Variants in IL16 observed in about 807,000 individuals in gnomAD.
IL16 encodes the protein pro-interleukin-16.
Under a neutral mutation model 110.1 loss-of-function variants are expected in IL16, and 67 were observed. The observed-to-expected ratio is 0.61, with a 90% CI of 0.50 to 0.75. The LOEUF (loss-of-function observed/expected upper bound fraction) is 0.75. Ranked by LOEUF, IL16 falls within the 30% of genes least tolerant of loss-of-function variation. The pLI is 0.00. For missense variants in IL16, 1,545 were observed against 1,655.0 expected (o/e 0.93, Z 1.15); for synonymous variants, 689 against 662.9 (o/e 1.04, Z -0.61).
intron 2 of IL16, among the ~76,000 whole-genome samples, chr15:81,245,118 A>T (rs1897491569): frequency 6.6e-6 from 1 of 152,122 alleles, no homozygotes; most frequent in African/African-American, 2.4e-5. Context: ...TCTTTGTCAA[A>T]TATTTCTATA....
chr15:81,261,855 A>T (rs574570483), intron 3 of IL16, among the ~76,000 whole-genome samples: 14 of 152,148 alleles, frequency 9.2e-5, no homozygotes, highest in Middle Eastern at 3.4e-3. Flanking sequence ...GATCGCTTGA[A>T]CCCAGGAGTT....
At chr15:81,251,493 G>A (rs980403598) in intron 2 of IL16, among the ~76,000 whole-genome samples, 1 of 152,096 alleles carries the variant, frequency 6.6e-6, no homozygotes, top group Non-Finnish European at 1.5e-5. Context: ...GACACCTTTA[G>A]TTATTCTCCT....
chr15:81,285,568 G>A (rs1234806579), intron 9 of IL16, 130 bp from the exon 10 acceptor site: 4 of 935,134 alleles, frequency 4.3e-6, no homozygotes, highest in African/African-American at 3.3e-5. Context: ...GGTGGCTAGT[G>A]GGGTCTACTT....
intron 2 of IL16, among the ~76,000 whole-genome samples, chr15:81,246,635 A>G (rs1897560497): frequency 6.6e-6 from 1 of 151,970 alleles, no homozygotes; most frequent in African/African-American, 2.4e-5. Flanking sequence ...CACTGATACC[A>G]TGCTCATCTC....
At chr15:81,213,203 G>C (rs11072993) in intron 1 of IL16, among the ~76,000 whole-genome samples, 58,915 of 152,034 alleles carry the variant, frequency 0.39, 14,294 homozygotes, top group East Asian at 0.7. Flanking sequence ...TTTTGAGAAA[G>C]CTTCTTGATA....
intron 2 of IL16, 124 bp downstream of exon 2, chr15:81,225,835 A>G (rs1193170464): frequency 4.2e-5 from 41 of 968,802 alleles, no homozygotes; most frequent in Non-Finnish European, 5.8e-5. Context: ...GAAAGAGAGC[A>G]AGAAAAAAGT....
chr15:81,295,812 T>C (rs1034736963), intron 12 of IL16, among the ~76,000 whole-genome samples: 7 of 152,208 alleles, frequency 4.6e-5, no homozygotes, highest in Admixed American at 4.6e-4. Flanking sequence ...AATGTAGATC[T>C]TAAATTTCAG....
At chr15:81,201,316 G>C (rs556409940) in intron 1 of IL16, among the ~76,000 whole-genome samples, 2 of 151,902 alleles carry the variant, frequency 1.3e-5, no homozygotes, top group Non-Finnish European at 2.9e-5. Flanking sequence ...CACACACACA[G>C]AAGTAAATGA....
At chr15:81,280,110 C>A (rs889075569) in intron 8 of IL16, among the ~76,000 whole-genome samples, 8 of 152,194 alleles carry the variant, frequency 5.3e-5, no homozygotes, top group Non-Finnish European at 1.2e-4. Context: ...CCTGGGCAGG[C>A]CACCTTCCCT....
chr15:81,194,487 A>C (rs937456777), upstream of IL16, among the ~76,000 whole-genome samples: 1 of 151,068 alleles, frequency 6.6e-6, no homozygotes, highest in Admixed American at 6.6e-5. Flanking sequence ...ATTAAATTAG[A>C]ATTTTTAAAA....
chr15:81,195,183 A>G (rs1245399531), upstream of IL16, among the ~76,000 whole-genome samples: 1 of 152,168 alleles, frequency 6.6e-6, no homozygotes, highest in Non-Finnish European at 1.5e-5. Flanking sequence ...AAATAGAGGG[A>G]GAGGCGGGAA....
Position 81,266,060 on chromosome 15 carries a change from C to G in IL16, c.564+259C>G, listed in dbSNP as rs1898370593. Among the ~76,000 whole-genome samples the G allele has an allele frequency of 2.6e-5, 4 of 152,342 alleles. No homozygotes were observed. In the South Asian group the frequency reaches 8.3e-4, roughly 32 times the overall value. The stretch of plus-strand genomic sequence containing the variant: ...CCACGTGTGTGCTATTAAGAGCTAA[C>G]ATGTAGAGAACACGGCACGCGGGGG... On this transcript the variant is annotated intron_variant, in intron 4 of 18. Coordinates refer to ENST00000683961, the MANE Select transcript of IL16 (RefSeq NM_172217.5).
At chr15:81,203,154 C>G (rs1412338826) in intron 1 of IL16, among the ~76,000 whole-genome samples, 1 of 147,064 alleles carries the variant, frequency 6.8e-6, no homozygotes, top group East Asian at 2.0e-4. Context: ...TATCCTTCAC[C>G]CACTTTTTGA....
At chr15:81,203,445 A>G (rs961007921) in intron 1 of IL16, among the ~76,000 whole-genome samples, 1 of 152,030 alleles carries the variant, frequency 6.6e-6, no homozygotes, top group Non-Finnish European at 1.5e-5. Context: ...CAGGGTTTTT[A>G]TGGTTTTAGG....
intron 12 of IL16, among the ~76,000 whole-genome samples, chr15:81,296,509 A>G (rs1221774344): frequency 6.6e-6 from 1 of 152,160 alleles, no homozygotes; most frequent in Non-Finnish European, 1.5e-5. Flanking sequence ...GAGTGCTCTA[A>G]CCTTAGGGAA....
At position 81,313,290 on chromosome 15, in the gene IL16, T is replaced by C. The variant is rs1900961758; in HGVS notation, c.*4492T>C. The C allele has an allele frequency of 1.9e-6, 3 of 1,578,828 alleles. No homozygotes were observed. The highest frequency in any genetic ancestry group is 1.2e-5 in the South Asian group (1 of 84,578). On this transcript the variant is annotated 3_prime_UTR_variant, in exon 19 of 19. Coordinates refer to ENST00000683961, the MANE Select transcript of IL16 (RefSeq NM_172217.5). Reference sequence around the variant, plus strand: ...GAATTGCTTCACTGCTTTCTGAAGGTTGGCATAAAACCGGGTCATGCTGCG... The same window carrying C: ...GAATTGCTTCACTGCTTTCTGAAGGCTGGCATAAAACCGGGTCATGCTGCG...
At chr15:81,203,754 G>A (rs896831967) in intron 1 of IL16, among the ~76,000 whole-genome samples, 2,912 of 152,244 alleles carry the variant, frequency 0.019, 87 homozygotes, top group African/African-American at 0.065. Context: ...GTCAGGTAGC[G>A]TGATGCCTCC....
rs1400801164 is a variant in IL16 at position 81,259,786 on chromosome 15, TTCC to T, written c.330_332del (p.Ser111del). 6.2e-7 allele frequency: 1 copy of T among 1,612,800 alleles called. No homozygotes were observed. The highest frequency in any genetic ancestry group is 8.5e-7 in the Non-Finnish European group (1 of 1,178,948). On this transcript the variant is annotated inframe_deletion, in exon 3 of 19. Coordinates refer to ENST00000683961, the MANE Select transcript of IL16 (RefSeq NM_172217.5). ...TTGTTTTGCAGGAATCTTCCACAGCTTCCTCTCGAGAAAAGCCTGGAAAACTAG... is the reference window on the plus strand; with the variant it reads ...TTGTTTTGCAGGAATCTTCCACAGCTTCTCGAGAAAAGCCTGGAAAACTAG...
chr15:81,262,792 G>A (rs1483339765), intron 3 of IL16, among the ~76,000 whole-genome samples: 1 of 152,184 alleles, frequency 6.6e-6, no homozygotes, highest in Non-Finnish European at 1.5e-5. Context: ...TTAGCCGGGA[G>A]TGGTGGCACA....
Sources: allele counts gnomAD v4.1 joint callset (sites outside exome capture counted in the v4.1 genomes callset), GRCh38; gene constraint gnomAD v4.1.1; transcripts MANE v1.5; gene names NCBI Gene and HGNC (gene_info 2026-07-23, HGNC 2026-07-21).